Variants in ANTXRL observed in about 807,000 individuals in gnomAD.
The protein encoded by ANTXRL is anthrax toxin receptor-like.
ANTXRL carries 63 observed loss-of-function variants against 75.4 expected under a neutral mutation model. The ratio of observed to expected loss-of-function variants is 0.84; its 90% CI spans 0.68 to 1.03. ANTXRL has a LOEUF of 1.03. ANTXRL is among the 50% of genes least tolerant of loss of function. The pLI, the probability that ANTXRL is intolerant of heterozygous loss-of-function variation, is 0.00. For missense variants in ANTXRL, 797 were observed against 789.4 expected, an observed-to-expected ratio of 1.01 and a Z score of -0.12; for synonymous variants, 335 against 291.3, an observed-to-expected ratio of 1.15 and a Z score of -1.53.
At chr10:46,290,622 C>T (rs1164903743) in intron 1 of ANTXRL, among the ~76,000 whole-genome samples, 2 of 152,160 alleles carry the variant, frequency 1.3e-5, no homozygotes, top group East Asian at 3.8e-4. Context: ...ATAATAGTCA[C>T]CCCAATGGGT....
intron 9 of ANTXRL, among the ~76,000 whole-genome samples, chr10:46,298,336 G>A (rs1837512348): frequency 6.6e-6 from 1 of 151,804 alleles, no homozygotes; most frequent in East Asian, 1.9e-4. Flanking sequence ...TGTGGTCTGT[G>A]TGCTGTGGAA....
intron 15 of ANTXRL, 76 bp from the exon 16 acceptor site, chr10:46,313,160 G>T: frequency 7.8e-7 from 1 of 1,282,286 alleles, no homozygotes; most frequent in Non-Finnish European, 1.1e-6. Context: ...GAGCTGTGGG[G>T]GGCTGGGGAG....
intron 13 of ANTXRL, 46 bp from the exon 14 acceptor site, chr10:46,310,415 C>T (rs1253753461): frequency 1.8e-5 from 27 of 1,528,834 alleles, no homozygotes; most frequent in South Asian, 3.6e-5. Flanking sequence ...AGGCAGAGCC[C>T]GCCCACCCCC....
At chr10:46,310,677 T>A (rs1400171305) in intron 14 of ANTXRL, among the ~76,000 whole-genome samples, 178 bp downstream of exon 14, 1 of 152,022 alleles carries the variant, frequency 6.6e-6, no homozygotes, top group African/African-American at 2.4e-5. Context: ...CAGCATGCCC[T>A]TTCCGCTCCC....
At chr10:46,316,232 G>C (rs1481426212) in intron 16 of ANTXRL, among the ~76,000 whole-genome samples, 1 of 152,052 alleles carries the variant, frequency 6.6e-6, no homozygotes, top group Non-Finnish European at 1.5e-5. Context: ...ACAGCAGGAG[G>C]CCCTTTAGAA....
chr10:46,296,287 G>C (rs1420525312), intron 5 of ANTXRL, 35 bp downstream of exon 5: 2 of 1,533,384 alleles, frequency 1.3e-6, no homozygotes, highest in Non-Finnish European at 1.7e-6. Context: ...GGTCCTGTAG[G>C]GGGAACAGAG....
At chr10:46,299,106 G>A (rs2132706232) in intron 9 of ANTXRL, among the ~76,000 whole-genome samples, 1 of 152,162 alleles carries the variant, frequency 6.6e-6, no homozygotes, top group Non-Finnish European at 1.5e-5. Context: ...GGAGCAGCCA[G>A]GGCTCCTCCC....
chr10:46,321,327 C>A (rs782296200), intron 16 of ANTXRL, among the ~76,000 whole-genome samples: 1 of 152,256 alleles, frequency 6.6e-6, no homozygotes, highest in East Asian at 1.9e-4. Context: ...TCCATGATGT[C>A]AGAGAAATCT....
At chr10:46,310,410 G>T in intron 13 of ANTXRL, 51 bp from the exon 14 acceptor site, 1 of 1,525,150 alleles carries the variant, frequency 6.6e-7, no homozygotes, top group Non-Finnish European at 8.8e-7. Flanking sequence ...GGCCAAGGCA[G>T]AGCCCGCCCA....
At chr10:46,307,511 A>G in intron 12 of ANTXRL, 31 bp downstream of exon 12, 1 of 1,512,372 alleles carries the variant, frequency 6.6e-7, no homozygotes, top group Non-Finnish European at 8.9e-7. Flanking sequence ...GCAAACATGT[A>G]TGAGGACTGT....
At chr10:46,327,540 G>A (rs10906949) in intron 16 of ANTXRL, among the ~76,000 whole-genome samples, 49,524 of 149,896 alleles carry the variant, frequency 0.33, 8,108 homozygotes, top group Admixed American at 0.42. Context: ...CATCATCCTG[G>A]ATGGGGACTA....
At chr10:46,322,932 A>C (rs1554965859) in intron 16 of ANTXRL, among the ~76,000 whole-genome samples, 1 of 152,204 alleles carries the variant, frequency 6.6e-6, no homozygotes, top group African/African-American at 2.4e-5. Flanking sequence ...GTTCAGTTTT[A>C]CAGGTATGAG....
chr10:46,309,220 G>A lies in ANTXRL; in HGVS notation c.1134+18G>A, dbSNP rs1554962786. 26 of 1,535,408 alleles carry A rather than the reference G, an allele frequency of 1.7e-5. No individual in the cohort carries two copies. Among genetic ancestry groups the A allele is most frequent in the South Asian group, 1.4e-4 (12 of 84,040 alleles). On this transcript the variant is annotated intron_variant, in intron 13 of 16. Coordinates refer to ENST00000620264, the MANE Select transcript of ANTXRL (RefSeq NM_001278688.3). ...GCAAGCAGGCAAGTGCTCCCTGCCC[G>A]CCCAGCTCTGGGGCCCAGGCACAGG... is the stretch of plus-strand genomic sequence containing the variant.
intron 16 of ANTXRL, among the ~76,000 whole-genome samples, chr10:46,323,348 A>G (rs1839068283): frequency 6.6e-6 from 1 of 152,188 alleles, no homozygotes; most frequent in Non-Finnish European, 1.5e-5. Flanking sequence ...GCAAGAGGCC[A>G]CTATTTCCAA....
intron 16 of ANTXRL, among the ~76,000 whole-genome samples, chr10:46,314,155 A>G (rs1186603177): frequency 4.6e-5 from 7 of 152,176 alleles, no homozygotes; most frequent in African/African-American, 1.7e-4. Context: ...GTGCATGGAC[A>G]AGGCCTTGCA....
chr10:46,313,408 T>G (rs1229237059), intron 16 of ANTXRL, 92 bp downstream of exon 16: 14 of 1,317,656 alleles, frequency 1.1e-5, no homozygotes, highest in Non-Finnish European at 1.4e-5. Flanking sequence ...CAGAGAGCCA[T>G]GTCAGGCATC....
chr10:46,289,404 T>C (rs1251324108), intron 1 of ANTXRL, among the ~76,000 whole-genome samples: 1 of 152,270 alleles, frequency 6.6e-6, no homozygotes. Context: ...CCACCATCCA[T>C]CTCCAGAAAT....
At chr10:46,328,151 TTTAGCTGGGAG>T (rs1565059772) in intron 16 of ANTXRL, among the ~76,000 whole-genome samples, 2 of 152,132 alleles carry the variant, frequency 1.3e-5, no homozygotes, top group African/African-American at 4.8e-5. Flanking sequence ...GGGTGGTCAC[TTTAGCTGGGAG>T]CAAGGATAAG....
chr10:46,315,126 C>A (rs1333141202), intron 16 of ANTXRL, among the ~76,000 whole-genome samples: 1 of 152,178 alleles, frequency 6.6e-6, no homozygotes, highest in Admixed American at 6.5e-5. Flanking sequence ...GAGGATGCAT[C>A]CCCTTAAGAC....
Sources: gnomAD v4.1 joint callset for allele counts (sites outside exome capture counted in the v4.1 genomes callset) on GRCh38, gnomAD v4.1.1 for gene constraint, MANE v1.5 for transcripts, NCBI Gene and HGNC (gene_info 2026-07-23, HGNC 2026-07-21) for gene names.